The following SLC19A1 variants were observed in gnomAD, a reference collection of about 807,000 sequenced individuals.
SLC19A1 encodes reduced folate transporter.
A neutral mutation model predicts 35.3 loss-of-function variants in SLC19A1; 37 were observed. The observed-to-expected ratio is 1.05, with a 90% CI of 0.81 to 1.38. SLC19A1 has a LOEUF of 1.38. SLC19A1 is among the 40% of genes most tolerant of loss of function. The probability of loss-of-function intolerance (pLI) is 0.00; values close to 1 mark genes in which losing one functional copy is unlikely to be tolerated. For synonymous variants in SLC19A1, 460 were observed against 398.5 expected, an observed-to-expected ratio of 1.15 and a Z score of -1.84; for missense variants, 831 against 826.9, an observed-to-expected ratio of 1.00 and a Z score of -0.06.
intron 2 of SLC19A1, chr21:45,536,041 G>T: frequency 3.0e-6 from 1 of 330,756 alleles, no homozygotes; most frequent in Non-Finnish European, 4.4e-6. Flanking sequence ...CCCGCGTGAA[G>T]TTCTTGTCGG....
At chr21:45,510,037 G>C (rs1032116454), downstream of SLC19A1, 8 of 1,539,402 alleles carry the variant, frequency 5.2e-6, no homozygotes, top group African/African-American at 1.1e-4. Flanking sequence ...GTGGGACACA[G>C]CCCGTGACGC....
At chr21:45,552,772 A>G (rs2078479445) in intron 1 of SLC19A1, among the ~76,000 whole-genome samples, 1 of 152,036 alleles carries the variant, frequency 6.6e-6, no homozygotes, top group East Asian at 1.9e-4. Flanking sequence ...TTCCTGGCCC[A>G]TGAGTCTGAC....
chr21:45,505,893 A>G, intron 3 of SLC19A1: 3 of 1,612,844 alleles, frequency 1.9e-6, no homozygotes, highest in Non-Finnish European at 2.5e-6. Flanking sequence ...GAGGTTCCCG[A>G]GGGCTGGCTC....
chr21:45,511,259 G>C (rs762984829), downstream of SLC19A1: 1 of 1,255,470 alleles, frequency 8.0e-7, no homozygotes. Flanking sequence ...GCAGCTCTGA[G>C]AGCCCCAGCC....
intron 1 of SLC19A1, among the ~76,000 whole-genome samples, chr21:45,552,094 G>C (rs1277138715): frequency 6.6e-6 from 1 of 152,230 alleles, no homozygotes; most frequent in African/African-American, 2.4e-5. Flanking sequence ...CTGACCCACT[G>C]TCTCGCCGCT....
chr21:45,510,221 G>C, downstream of SLC19A1: 1 of 1,606,254 alleles, frequency 6.2e-7, no homozygotes, highest in Non-Finnish European at 8.5e-7. Context: ...AGCATCGTGC[G>C]CCGTGCCGAC....
intron 5 of SLC19A1, among the ~76,000 whole-genome samples, chr21:45,520,706 C>G (rs1367826666): frequency 6.6e-6 from 1 of 152,188 alleles, no homozygotes; most frequent in Non-Finnish European, 1.5e-5. Flanking sequence ...TTACTCCAAC[C>G]TGACTGGATG....
chr21:45,555,160 C>G (rs542294515), intron 1 of SLC19A1, among the ~76,000 whole-genome samples: 635 of 41,792 alleles, frequency 0.015, 38 homozygotes, highest in Middle Eastern at 0.019. Flanking sequence ...CAGGGGGCGG[C>G]GGGGGCGGCG....
chr21:45,509,883 C>CT (rs1275745668), downstream of SLC19A1, among the ~76,000 whole-genome samples: 1 of 152,204 alleles, frequency 6.6e-6, no homozygotes, highest in Non-Finnish European at 1.5e-5. Flanking sequence ...CGGGGCTGCT[C>CT]TGACCTGGCA....
At chr21:45,550,454 A>T (rs539141608) in intron 1 of SLC19A1, among the ~76,000 whole-genome samples, 1 of 152,318 alleles carries the variant, frequency 6.6e-6, no homozygotes, top group Non-Finnish European at 1.5e-5. Context: ...TTCCACGTGG[A>T]AAGGGCTGGT....
chr21:45,511,346 T>TTTAAAA, downstream of SLC19A1: 1 of 690,216 alleles, frequency 1.4e-6, no homozygotes, highest in Non-Finnish European at 2.7e-6. Context: ...TGCTCATTAC[T>TTTAAAA]TTAAAATTAC....
intron 1 of SLC19A1, among the ~76,000 whole-genome samples, chr21:45,538,738 G>A (rs1201299976): frequency 6.6e-6 from 1 of 152,174 alleles, no homozygotes; most frequent in East Asian, 1.9e-4. Flanking sequence ...AGGGACCCCA[G>A]CATCCCCGGC....
downstream of SLC19A1, chr21:45,509,313 G>A (rs368985214): frequency 1.2e-4 from 179 of 1,536,384 alleles, no homozygotes; most frequent in African/African-American, 1.6e-3. Context: ...AGGGGCACCC[G>A]GAGGGTCCCC....
chr21:45,540,588 A>G lies in SLC19A1; in HGVS notation c.-50+1780T>C, dbSNP rs565919459. Among the ~76,000 whole-genome samples the G allele has an allele frequency of 2.0e-5, 3 of 152,322 alleles. No individual in the cohort carries two copies. In the East Asian group the frequency reaches 5.8e-4, roughly 29 times the overall value. The stretch of plus-strand genomic sequence containing the variant: ...TATGTGCCGTGAACGTAGCCCACTG[A>G]CAGAGGCTTGGCCATCACGGCCCAG... On this transcript the variant is annotated intron_variant, in intron 1 of 5. Coordinates refer to ENST00000311124, the MANE Select transcript of SLC19A1 (RefSeq NM_194255.4). The surrounding 1 kb of genome is among the most constrained non-coding windows in gnomAD (Gnocchi z 5.5).
chr21:45,505,789 C>CCCCTGCCCT (rs1568943872), intron 3 of SLC19A1: 5 of 1,337,154 alleles, frequency 3.7e-6, no homozygotes, highest in African/African-American at 1.4e-5. Context: ...CCGCCCCTGC[C>CCCCTGCCCT]CCCCGCCCTC....
intron 5 of SLC19A1, among the ~76,000 whole-genome samples, chr21:45,523,335 G>A (rs2077494309): frequency 6.6e-6 from 1 of 152,214 alleles, no homozygotes; most frequent in African/African-American, 2.4e-5. Flanking sequence ...ACCAGCCAGA[G>A]AAAAGTCCAT....
chr21:45,562,363 G>C (rs1383727622), intron 1 of SLC19A1, among the ~76,000 whole-genome samples: 1 of 152,174 alleles, frequency 6.6e-6, no homozygotes, highest in Non-Finnish European at 1.5e-5. Context: ...CGGAACATTT[G>C]TGACTGTCTC....
chr21:45,511,396 G>A (rs1433101205), downstream of SLC19A1, among the ~76,000 whole-genome samples: 1 of 152,148 alleles, frequency 6.6e-6, no homozygotes, highest in African/African-American at 2.4e-5. Flanking sequence ...GAACTGCTCT[G>A]AGAAGTCATC....
In SLC19A1 at chr21:45,513,665, T is replaced by C. The variant is rs1339095645; in HGVS notation, c.*1993A>G. Reference sequence around the variant, plus strand: ...AAACCGGTGGGGCTGGTTCTGTAATTGTGTGTGATGTGAAGCCAATTCAGA... The same window carrying C: ...AAACCGGTGGGGCTGGTTCTGTAATCGTGTGTGATGTGAAGCCAATTCAGA... On this transcript the variant is annotated 3_prime_UTR_variant, in exon 6 of 6. Transcript: ENST00000311124. 2.0e-5 allele frequency: 3 copies of C among 152,210 alleles called. No homozygotes were observed. The highest frequency in any genetic ancestry group is 7.2e-5 in the African/African-American group (3 of 41,450). The allele number at this position is 152,210 out of a possible 1,614,324, so 9.4% of individuals were successfully genotyped here.
Sources: gnomAD v4.1 joint callset for allele counts (sites outside exome capture counted in the v4.1 genomes callset) on GRCh38, gnomAD v4.1.1 for gene constraint, Gnocchi (gnomAD v3.1) non-coding constraint, MANE v1.5 for transcripts, NCBI Gene and HGNC (gene_info 2026-07-23, HGNC 2026-07-21) for gene names.